The following COLEC12 variants were observed in gnomAD, a reference collection of about 807,000 sequenced individuals.
COLEC12 encodes collectin-12.
A neutral mutation model predicts 71.1 loss-of-function variants in COLEC12; 33 were observed. The ratio of observed to expected loss-of-function variants is 0.46; its 90% CI spans 0.35 to 0.62. The LOEUF is 0.62. COLEC12 is among the 20% of genes least tolerant of loss of function. COLEC12 has a pLI of 0.00. For synonymous variants in COLEC12, 350 were observed against 353.0 expected (o/e 0.99, Z 0.10); for missense variants, 765 against 916.1 (o/e 0.84, Z 2.13).
intron 2 of COLEC12, among the ~76,000 whole-genome samples, chr18:446,427 C>G (rs549067845): frequency 2.0e-5 from 3 of 151,350 alleles, no homozygotes; most frequent in African/African-American, 7.3e-5. Context: ...TTGGGCCAGG[C>G]GCAGTGTCTC....
In COLEC12 at chr18:446,343, T is replaced by C. The variant is rs190863329; in HGVS notation, c.58+34364A>G. On this transcript the variant is annotated intron_variant, in intron 2 of 9. Transcript: ENST00000400256. Reference sequence around the variant, plus strand: ...CTAAGAGTGAAACTGCTGGGTCATATGAAAATTTTATACTCAATTTTGAGG... The same window carrying C: ...CTAAGAGTGAAACTGCTGGGTCATACGAAAATTTTATACTCAATTTTGAGG... Among the ~76,000 whole-genome samples the C allele has an allele frequency of 2.0e-3, 304 of 152,246 alleles. 1 individual carries two copies. The highest frequency in any genetic ancestry group is 3.4e-3 in the Middle Eastern group (1 of 294).
chr18:442,000 T>TACACACACACA (rs1309639326), intron 2 of COLEC12, among the ~76,000 whole-genome samples: 9 of 116,778 alleles, frequency 7.7e-5, no homozygotes, highest in Admixed American at 3.0e-4. Context: ...ACTCTCTCTC[T>TACACACACACA]CTACACACAC....
At chr18:341,564 T>C (rs994703958) in intron 5 of COLEC12, among the ~76,000 whole-genome samples, 1 of 152,216 alleles carries the variant, frequency 6.6e-6, no homozygotes, top group Non-Finnish European at 1.5e-5. Flanking sequence ...TAACCCCACC[T>C]GTGTGATTTT....
chr18:409,586 A>G (rs1404436978), intron 2 of COLEC12, among the ~76,000 whole-genome samples: 1 of 152,216 alleles, frequency 6.6e-6, no homozygotes, highest in Non-Finnish European at 1.5e-5. Flanking sequence ...GAAAGTACCA[A>G]TGAGTTGTTT....
In COLEC12 at chr18:463,067, C is replaced by T. The variant is rs1392278855; in HGVS notation, c.58+17640G>A. ...GAGAGGGTGGCAGGTTCTGAAGAAG[C>T]CCAGGCTGAAACCGAGAGGGTTCAC... On this transcript the variant is annotated intron_variant, in intron 2 of 9. Coordinates refer to ENST00000400256, the MANE Select transcript of COLEC12 (RefSeq NM_130386.3). Among the ~76,000 whole-genome samples, 3 of 152,108 alleles carry T rather than the reference C, an allele frequency of 2.0e-5. 1 individual carries two copies. In the East Asian group the frequency reaches 5.8e-4, roughly 29 times the overall value.
chr18:382,338 T>C (rs1407834231), intron 2 of COLEC12, among the ~76,000 whole-genome samples: 1 of 152,200 alleles, frequency 6.6e-6, no homozygotes, highest in Non-Finnish European at 1.5e-5. Flanking sequence ...GAATCAAGAA[T>C]ATAATTAGCT....
intron 2 of COLEC12, among the ~76,000 whole-genome samples, chr18:470,085 A>G (rs1219536478): frequency 1.3e-5 from 2 of 152,178 alleles, no homozygotes; most frequent in Admixed American, 1.3e-4. Flanking sequence ...ATTCAATCAT[A>G]AGACTTCTAT....
intron 2 of COLEC12, among the ~76,000 whole-genome samples, chr18:479,346 T>A (rs1917366363): frequency 6.6e-6 from 1 of 152,154 alleles, no homozygotes; most frequent in Admixed American, 6.5e-5. Context: ...ATGAGCTTGG[T>A]GCCACTGCAT....
intron 2 of COLEC12, among the ~76,000 whole-genome samples, chr18:358,717 G>C (rs1914680570): frequency 6.6e-6 from 1 of 152,118 alleles, no homozygotes; most frequent in Non-Finnish European, 1.5e-5. Flanking sequence ...CTGGGGGTTG[G>C]GGACCTCTGG....
intron 2 of COLEC12, among the ~76,000 whole-genome samples, chr18:387,143 C>T (rs991247613): frequency 5.3e-5 from 8 of 152,304 alleles, no homozygotes; most frequent in Middle Eastern, 3.4e-3. Flanking sequence ...TAATTGGTAG[C>T]GTTGTCAGCA....
At position 321,680 on chromosome 18, in the gene COLEC12, C is replaced by T. The variant is rs1404522800; in HGVS notation, c.2191G>A (p.Glu731Lys). The T allele has an allele frequency of 2.5e-6, 4 of 1,614,098 alleles. No individual in the cohort carries two copies. The highest frequency in any genetic ancestry group is 1.7e-6 in the Non-Finnish European group (2 of 1,180,004). Residue 731 changes from glutamate (E) to lysine (K), a missense_variant, in exon 9 of 10, where the codon GAA becomes AAA. By Grantham distance (56) the Glu-to-Lys change is moderately conservative (BLOSUM62 1). Transcript: ENST00000400256. ...QCEDVNNFIC[E>K]KDRETVLSSA... is the part of the protein sequence containing the mutation. ...TGCTCACCTGTCTCCCTGTCTTTTT[C>T]GCAAATGAAGTTATTGACGTCTTCA...
intron 2 of COLEC12, among the ~76,000 whole-genome samples, chr18:425,216 C>A (rs1350000791): frequency 6.6e-6 from 1 of 152,174 alleles, no homozygotes; most frequent in South Asian, 2.1e-4. Context: ...TAACTCAAAC[C>A]CGTGAGTTGC....
At chr18:322,185 G>A (rs1244212645) in intron 8 of COLEC12, among the ~76,000 whole-genome samples, 2 of 75,294 alleles carry the variant, frequency 2.7e-5, no homozygotes, top group African/African-American at 4.9e-5. Context: ...TTCATTATGA[G>A]GACATGATAC....
At chr18:478,215 T>C (rs939071011) in intron 2 of COLEC12, among the ~76,000 whole-genome samples, 6 of 152,168 alleles carry the variant, frequency 3.9e-5, no homozygotes, top group Non-Finnish European at 5.9e-5. Flanking sequence ...TCCTGAGAGT[T>C]AGAAGATCCA....
intron 3 of COLEC12, among the ~76,000 whole-genome samples, chr18:351,572 T>C (rs1345462001): frequency 6.6e-6 from 1 of 152,170 alleles, no homozygotes; most frequent in African/African-American, 2.4e-5. Flanking sequence ...CATTTATTTA[T>C]TTAATTTTTT....
intron 1 of COLEC12, among the ~76,000 whole-genome samples, chr18:495,699 A>G (rs1345104229): frequency 6.6e-6 from 1 of 152,216 alleles, no homozygotes; most frequent in African/African-American, 2.4e-5. Context: ...CTCACTCAGT[A>G]TCTAGTGGAG....
chr18:452,301 G>C (rs968171451), intron 2 of COLEC12, among the ~76,000 whole-genome samples: 2 of 152,150 alleles, frequency 1.3e-5, no homozygotes, highest in Admixed American at 6.5e-5. Flanking sequence ...ATAACTTTGG[G>C]CAATTTATAC....
chr18:378,034 C>G (rs1395172251), intron 2 of COLEC12, among the ~76,000 whole-genome samples: 1 of 152,152 alleles, frequency 6.6e-6, no homozygotes, highest in Non-Finnish European at 1.5e-5. Flanking sequence ...AGCCCTAACC[C>G]ACTATCCACG....
At position 476,362 on chromosome 18, in the gene COLEC12, C is replaced by G. The variant is rs73944753; in HGVS notation, c.58+4345G>C. The stretch of plus-strand genomic sequence containing the variant: ...CTGAGCCCCAAAGAAGCAATTCTGT[C>G]AAAGCTTTGTTTGTCAAATACAAAC... On this transcript the variant is annotated intron_variant, in intron 2 of 9. Coordinates refer to ENST00000400256, the MANE Select transcript of COLEC12 (RefSeq NM_130386.3). 5.8e-3 allele frequency among the ~76,000 whole-genome samples: 885 copies of G among 152,310 alleles called. 9 individuals carry two copies. Among genetic ancestry groups the G allele is most frequent in the African/African-American group, 0.02 (821 of 41,550 alleles).
Sources: gnomAD v4.1 joint callset for allele counts (sites outside exome capture counted in the v4.1 genomes callset) on GRCh38, gnomAD v4.1.1 for gene constraint, MANE v1.5 for transcripts, NCBI Gene and HGNC (gene_info 2026-07-23, HGNC 2026-07-21) for gene names.